The following NOTCH2NLC variants were observed in gnomAD, a reference collection of about 807,000 sequenced individuals.
NOTCH2NLC encodes notch 2 N-terminal like C.
NOTCH2NLC carries 4 observed loss-of-function variants against 17.7 expected under a neutral mutation model. That is an observed-to-expected ratio of 0.23 (90% CI 0.11 to 0.52). NOTCH2NLC has a LOEUF of 0.52. Ranked by LOEUF, NOTCH2NLC falls within the 20% of genes least tolerant of loss-of-function variation. NOTCH2NLC has a pLI of 0.96. For synonymous variants in NOTCH2NLC, 18 were observed against 86.0 expected (o/e 0.21, Z 4.38); for missense variants, 57 against 207.2 (o/e 0.28, Z 4.45).
intron 2 of NOTCH2NLC, among the ~76,000 whole-genome samples, chr1:149,454,739 T>C (rs1478323507): frequency 4.9e-4 from 74 of 150,894 alleles, no homozygotes; most frequent in African/African-American, 1.6e-3. Flanking sequence ...CACCTGAACA[T>C]AACCCAGAAA....
intron 3 of NOTCH2NLC, among the ~76,000 whole-genome samples, chr1:149,460,270 C>T (rs2101511039): frequency 6.7e-6 from 1 of 148,894 alleles, no homozygotes; most frequent in Admixed American, 6.7e-5. Context: ...TAAAATGTCA[C>T]TCTGAAATGG....
chr1:149,440,259 T>C (rs2084509150), intron 2 of NOTCH2NLC, among the ~76,000 whole-genome samples: 4 of 147,974 alleles, frequency 2.7e-5, no homozygotes, highest in African/African-American at 1.0e-4. Flanking sequence ...AAAAGTTTAA[T>C]TTTTATCACA....
intron 1 of NOTCH2NLC, among the ~76,000 whole-genome samples, chr1:149,393,220 C>T (rs1372931213): frequency 1.3e-4 from 19 of 150,332 alleles, no homozygotes; most frequent in African/African-American, 3.9e-4. Context: ...TATTAGCTAG[C>T]TTTTAGGTAG....
At chr1:149,445,826 C>T (rs1458294485) in intron 2 of NOTCH2NLC, among the ~76,000 whole-genome samples, 3 of 140,684 alleles carry the variant, frequency 2.1e-5, no homozygotes, top group African/African-American at 8.0e-5. Flanking sequence ...AAGCATGCCT[C>T]TCTTTTTCTT....
At chr1:149,425,539 G>A (rs1416616689) in intron 1 of NOTCH2NLC, among the ~76,000 whole-genome samples, 1 of 150,758 alleles carries the variant, frequency 6.6e-6, no homozygotes, top group Admixed American at 6.6e-5. Context: ...CAGCATGGGA[G>A]CCTAGACTGG....
intron 1 of NOTCH2NLC, among the ~76,000 whole-genome samples, chr1:149,429,539 A>G (rs2084432172): frequency 1.3e-5 from 2 of 150,830 alleles, no homozygotes; most frequent in Non-Finnish European, 3.0e-5. Flanking sequence ...TAAAGTACTT[A>G]GGATAGTGCC....
At position 149,471,189 on chromosome 1, in the gene NOTCH2NLC, G is replaced by A. The variant is rs2084716761; in HGVS notation, c.*7036G>A. 6.6e-6 allele frequency among the ~76,000 whole-genome samples: 1 copy of A among 150,724 alleles called. No individual in the cohort carries two copies. The highest frequency in any genetic ancestry group is 1.5e-5 in the Non-Finnish European group (1 of 67,490). ...TGGTTTATCTTTTTAATATTGAACT[G>A]TAATAGTTTTAAAAAAATATATCCT... On this transcript the variant is annotated 3_prime_UTR_variant, in exon 5 of 5. Coordinates refer to ENST00000650865, the MANE Select transcript of NOTCH2NLC (RefSeq NM_001364013.2).
intron 2 of NOTCH2NLC, among the ~76,000 whole-genome samples, chr1:149,437,625 G>A (rs1208401762): frequency 4.9e-5 from 6 of 123,490 alleles, no homozygotes; most frequent in Admixed American, 8.7e-5. Context: ...CACCACGCCC[G>A]GCTAATTTTT....
intron 2 of NOTCH2NLC, among the ~76,000 whole-genome samples, chr1:149,445,605 C>G (rs879172439): frequency 6.6e-6 from 1 of 150,740 alleles, no homozygotes; most frequent in Non-Finnish European, 1.5e-5. Context: ...ATTGGGGGGC[C>G]AAGAGGCCCA....
chr1:149,418,690 G>A (rs1214181535), intron 1 of NOTCH2NLC, among the ~76,000 whole-genome samples: 7 of 123,258 alleles, frequency 5.7e-5, no homozygotes, highest in South Asian at 3.1e-4. Flanking sequence ...ATCCTCTCTC[G>A]GAGGAAGATA....
chr1:149,446,588 G>T (rs2084555175), intron 2 of NOTCH2NLC, among the ~76,000 whole-genome samples: 1 of 149,338 alleles, frequency 6.7e-6, no homozygotes. Flanking sequence ...TGCTCACCTT[G>T]GCCTCCCACA....
chr1:149,432,532 AACTT>A (rs1324736884), intron 2 of NOTCH2NLC, among the ~76,000 whole-genome samples: 1 of 150,756 alleles, frequency 6.6e-6, no homozygotes, highest in African/African-American at 2.4e-5. Flanking sequence ...TAAGGGAGGG[AACTT>A]AATACCTTAG....
At chr1:149,417,292 T>G (rs1327353908) in intron 1 of NOTCH2NLC, among the ~76,000 whole-genome samples, 1 of 150,410 alleles carries the variant, frequency 6.6e-6, no homozygotes, top group Non-Finnish European at 1.5e-5. Context: ...GTATTTTCAG[T>G]AGAGACGGGG....
chr1:149,392,994 C>T (rs1417202440), intron 1 of NOTCH2NLC, among the ~76,000 whole-genome samples: 1 of 139,158 alleles, frequency 7.2e-6, no homozygotes, highest in Non-Finnish European at 1.5e-5. Context: ...GGCGTGAACC[C>T]GGGAGGCGGA....
intron 1 of NOTCH2NLC, among the ~76,000 whole-genome samples, chr1:149,427,206 C>T (rs1284010754): frequency 6.6e-6 from 1 of 150,504 alleles, no homozygotes; most frequent in Non-Finnish European, 1.5e-5. Context: ...ATTCACCACT[C>T]TATGCAATAT....
At chr1:149,462,851 T>TC (rs1198092118) in intron 3 of NOTCH2NLC, among the ~76,000 whole-genome samples, 10 of 146,918 alleles carry the variant, frequency 6.8e-5, no homozygotes, top group African/African-American at 2.5e-4. Flanking sequence ...TTTTTTTTTT[T>TC]TTGAAATGGA....
At chr1:149,392,843 G>C (rs2084180298) in intron 1 of NOTCH2NLC, among the ~76,000 whole-genome samples, 2 of 150,744 alleles carry the variant, frequency 1.3e-5, no homozygotes, top group South Asian at 4.2e-4. Context: ...AGGCCGAGGC[G>C]GGCGGATCAC....
intron 2 of NOTCH2NLC, among the ~76,000 whole-genome samples, chr1:149,438,902 A>C (rs1422145844): frequency 2.1e-5 from 3 of 144,320 alleles, no homozygotes; most frequent in African/African-American, 7.7e-5. Context: ...CTTTTTATAG[A>C]GATACGGTCT....
At chr1:149,417,057 A>C (rs2084339525) in intron 1 of NOTCH2NLC, among the ~76,000 whole-genome samples, 1 of 115,116 alleles carries the variant, frequency 8.7e-6, no homozygotes, top group African/African-American at 3.3e-5. Flanking sequence ...ACAAATGTAT[A>C]TTATGGAAGT....
Sources: allele counts gnomAD v4.1 joint callset (sites outside exome capture counted in the v4.1 genomes callset), GRCh38; gene constraint gnomAD v4.1.1; transcripts MANE v1.5; gene names NCBI Gene and HGNC (gene_info 2026-07-23, HGNC 2026-07-21).